L3MBTL4: variants seen among roughly 807,000 people sequenced by gnomAD.
L3MBTL4 encodes the protein lethal(3)malignant brain tumor-like protein 4.
In L3MBTL4, 70 loss-of-function variants were observed where a neutral mutation model predicts 84.5. The ratio of observed to expected loss-of-function variants is 0.83; its 90% CI spans 0.68 to 1.01. The LOEUF (loss-of-function observed/expected upper bound fraction) is 1.01. Among genes scored for constraint, L3MBTL4 ranks in the 50% least tolerant of loss-of-function variants. The pLI, the probability that L3MBTL4 is intolerant of heterozygous loss-of-function variation, is 0.00. For synonymous variants in L3MBTL4, 274 were observed against 259.8 expected, an observed-to-expected ratio of 1.05 and a Z score of -0.52; for missense variants, 715 against 754.8, an observed-to-expected ratio of 0.95 and a Z score of 0.62.
At chr18:6,101,642 A>G (rs531354031) in intron 14 of L3MBTL4, among the ~76,000 whole-genome samples, 5 of 152,226 alleles carry the variant, frequency 3.3e-5, no homozygotes, top group Non-Finnish European at 7.3e-5. Flanking sequence ...CCTCTGCTGC[A>G]ACCTGCAGAC....
At chr18:6,367,373 T>G (rs755609484) in intron 1 of L3MBTL4, 1 of 152,230 alleles carries the variant, frequency 6.6e-6, no homozygotes, top group Non-Finnish European at 1.5e-5. Context: ...AGCCAGTGTG[T>G]CCTTCCTAGA....
At chr18:6,190,492 T>C (rs1356327366) in intron 12 of L3MBTL4, among the ~76,000 whole-genome samples, 1 of 152,216 alleles carries the variant, frequency 6.6e-6, no homozygotes, top group Admixed American at 6.5e-5. Context: ...TATGACATGC[T>C]TGCCAGTCAT....
chr18:6,011,030 C>A (rs1280832985), intron 16 of L3MBTL4, among the ~76,000 whole-genome samples: 1 of 152,180 alleles, frequency 6.6e-6, no homozygotes, highest in East Asian at 1.9e-4. Flanking sequence ...GTGGGGAAGT[C>A]AACCTGGATA....
intron 3 of L3MBTL4, among the ~76,000 whole-genome samples, chr18:6,306,633 A>G (rs930223423): frequency 2.6e-5 from 4 of 152,206 alleles, no homozygotes; most frequent in African/African-American, 7.2e-5. Flanking sequence ...CTTTGATGTC[A>G]TTCTTTAAAG....
chr18:6,321,119 T>C (rs901542348), intron 1 of L3MBTL4, among the ~76,000 whole-genome samples: 14 of 152,152 alleles, frequency 9.2e-5, no homozygotes, highest in African/African-American at 3.4e-4. Context: ...CCTGAAGCTA[T>C]AAAAATTCTA....
At chr18:6,340,452 C>T (rs528514874) in intron 1 of L3MBTL4, among the ~76,000 whole-genome samples, 1 of 152,310 alleles carries the variant, frequency 6.6e-6, no homozygotes, top group Admixed American at 6.5e-5. Context: ...GAACTAAGAG[C>T]AAAGTGAGCA....
rs184997163 is a variant in L3MBTL4 at position 5,996,880 on chromosome 18, C to T, written c.1445-27318G>A. Among the ~76,000 whole-genome samples the T allele has an allele frequency of 1.1e-3, 164 of 152,154 alleles. 1 individual carries two copies. Among genetic ancestry groups the T allele is most frequent in the South Asian group, 2.9e-3 (14 of 4,808 alleles). On this transcript the variant is annotated intron_variant, in intron 16 of 18. Coordinates refer to ENST00000317931, the MANE Select transcript of L3MBTL4 (RefSeq NM_001330559.2). ...GGATCAAAGGAAATGAAGCTAAAAC[C>T]ACCAATATCAAAAGTAGCTCTTAAT...
At chr18:6,162,852 G>A (rs1285731162) in intron 13 of L3MBTL4, among the ~76,000 whole-genome samples, 2 of 152,116 alleles carry the variant, frequency 1.3e-5, no homozygotes, top group Non-Finnish European at 2.9e-5. Context: ...TTCTTAGGAG[G>A]CCAGTGTTCA....
At chr18:6,286,690 T>C (rs2049605978) in intron 4 of L3MBTL4, among the ~76,000 whole-genome samples, 1 of 152,158 alleles carries the variant, frequency 6.6e-6, no homozygotes, top group Admixed American at 6.5e-5. Flanking sequence ...GTTCCAAAGC[T>C]GACTCACACT....
intron 16 of L3MBTL4, chr18:6,029,499 A>G (rs953075052): frequency 3.1e-6 from 3 of 981,320 alleles, no homozygotes; most frequent in African/African-American, 3.5e-5. Flanking sequence ...GAAATATACA[A>G]TCTTTCCATA....
At chr18:6,087,964 T>C (rs933806240) in intron 15 of L3MBTL4, among the ~76,000 whole-genome samples, 2 of 152,234 alleles carry the variant, frequency 1.3e-5, no homozygotes, top group Non-Finnish European at 2.9e-5. Context: ...AAAACAGATG[T>C]ATATGATGAA....
chr18:6,004,323 T>C (rs905249008), intron 16 of L3MBTL4, among the ~76,000 whole-genome samples: 5 of 152,142 alleles, frequency 3.3e-5, no homozygotes, highest in Non-Finnish European at 5.9e-5. Context: ...CATGACTTAC[T>C]CATAAAGAAA....
chr18:6,046,045 C>T (rs916298136), intron 16 of L3MBTL4, among the ~76,000 whole-genome samples: 1 of 152,000 alleles, frequency 6.6e-6, no homozygotes, highest in African/African-American at 2.4e-5. Flanking sequence ...GGAGAAAGAT[C>T]TATCATGCAA....
At chr18:6,389,930 A>G (rs984901730) in intron 1 of L3MBTL4, among the ~76,000 whole-genome samples, 22 of 152,148 alleles carry the variant, frequency 1.4e-4, no homozygotes, top group African/African-American at 5.1e-4. Flanking sequence ...GACTTAAACT[A>G]CACACTAGAA....
At chr18:5,964,794 C>T (rs141604039) in intron 17 of L3MBTL4, among the ~76,000 whole-genome samples, 8 of 152,260 alleles carry the variant, frequency 5.3e-5, no homozygotes, top group East Asian at 1.9e-4. Context: ...TCACGCCCTG[C>T]CTGCCCGCGT....
chr18:6,377,041 G>A (rs145616367), intron 1 of L3MBTL4, among the ~76,000 whole-genome samples: 6 of 152,210 alleles, frequency 3.9e-5, no homozygotes, highest in African/African-American at 7.2e-5. Flanking sequence ...AGGAGGGCAC[G>A]GAGCACAAAC....
chr18:6,381,378 T>C (rs912691487), intron 1 of L3MBTL4, among the ~76,000 whole-genome samples: 2 of 152,248 alleles, frequency 1.3e-5, no homozygotes, highest in Admixed American at 1.3e-4. Context: ...TTCACTATGA[T>C]GCTAGCTGGT....
At chr18:6,023,430 T>C (rs555117762) in intron 16 of L3MBTL4, among the ~76,000 whole-genome samples, 9 of 152,310 alleles carry the variant, frequency 5.9e-5, no homozygotes, top group East Asian at 1.9e-4. Context: ...TTCCTTTTGA[T>C]AGAACGAAGA....
rs139761469 is a variant in L3MBTL4, at chr18:6,115,786, G to A, written c.1200-22258C>T. Among the ~76,000 whole-genome samples, 544 of 152,284 alleles carry A rather than the reference G, an allele frequency of 3.6e-3. 3 individuals carry two copies. The highest frequency in any genetic ancestry group is 0.013 in the African/African-American group (523 of 41,550). On this transcript the variant is annotated intron_variant, in intron 14 of 18. Transcript: ENST00000317931. ...AGGACTTCAGAGTAAGCATGGCCAC[G>A]AAGTCGTCTTCAGACCTGTGTACAT...
Sources: gnomAD v4.1 joint callset for allele counts (sites outside exome capture counted in the v4.1 genomes callset) on GRCh38, gnomAD v4.1.1 for gene constraint, MANE v1.5 for transcripts, NCBI Gene and HGNC (gene_info 2026-07-23, HGNC 2026-07-21) for gene names.